GLIS3: variants seen among roughly 807,000 people sequenced by gnomAD.
GLIS3 encodes the protein GLIS family zinc finger 3, also known as zinc finger protein GLIS3.
In GLIS3, 53 loss-of-function variants were observed where a neutral mutation model predicts 78.6. That is an observed-to-expected ratio of 0.67 (90% CI 0.54 to 0.85). GLIS3 has a LOEUF of 0.85. GLIS3 is among the 40% of genes least tolerant of loss of function. GLIS3 has a pLI of 0.00. For synonymous variants in GLIS3, 684 were observed against 509.9 expected (o/e 1.34, Z -4.60); for missense variants, 1,703 against 1,231.1 (o/e 1.38, Z -5.74).
chr9:4,259,371 T>C (rs377762223), intron 2 of GLIS3, among the ~76,000 whole-genome samples: 36 of 152,138 alleles, frequency 2.4e-4, no homozygotes, highest in African/African-American at 8.0e-4. Flanking sequence ...ATATGGGGGA[T>C]TGAAAACAGA....
chr9:4,084,543 G>A (rs867726873), intron 4 of GLIS3, among the ~76,000 whole-genome samples: 7 of 152,116 alleles, frequency 4.6e-5, no homozygotes, highest in Admixed American at 6.5e-5. Flanking sequence ...AGTGGGTGAC[G>A]GAGACATGGA....
chr9:4,235,271 G>T (rs965842206), intron 2 of GLIS3, among the ~76,000 whole-genome samples: 1 of 149,116 alleles, frequency 6.7e-6, no homozygotes, highest in African/African-American at 2.5e-5. Flanking sequence ...TGCACTCCAG[G>T]CTGGGCGACA....
intron 4 of GLIS3, among the ~76,000 whole-genome samples, chr9:4,043,832 G>A (rs1293509049): frequency 2.6e-5 from 4 of 152,212 alleles, no homozygotes; most frequent in Non-Finnish European, 5.9e-5. Context: ...GACAAGAACA[G>A]GATGCAGCTT....
chr9:4,040,054 G>A (rs1213683905), intron 4 of GLIS3, among the ~76,000 whole-genome samples: 1 of 152,090 alleles, frequency 6.6e-6, no homozygotes, highest in African/African-American at 2.4e-5. Context: ...GAGACCTCCT[G>A]TTTAATGAAA....
intron 4 of GLIS3, among the ~76,000 whole-genome samples, chr9:3,937,671 G>C (rs989365275): frequency 2.2e-4 from 33 of 152,088 alleles, no homozygotes; most frequent in African/African-American, 7.7e-4. Flanking sequence ...GGATGAAAAA[G>C]ACATGTGTCC....
rs557699129 is a variant in GLIS3 at position 3,847,036 on chromosome 9, T to C, written c.2473+8973A>G. On this transcript the variant is annotated intron_variant, in intron 9 of 10. Transcript: ENST00000381971. ...GTGTCTCTACTAAAAATATAAAAAT[T>C]AGCCAGGTGCAGTGGCAAGCGCCTG... Among the ~76,000 whole-genome samples the C allele has an allele frequency of 1.1e-4, 17 of 152,060 alleles. 1 individual carries two copies. The highest frequency in any genetic ancestry group is 5.2e-4 in the Admixed American group (8 of 15,270).
intron 2 of GLIS3, among the ~76,000 whole-genome samples, chr9:4,179,175 G>C (rs1005797344): frequency 6.6e-6 from 1 of 152,154 alleles, no homozygotes; most frequent in Non-Finnish European, 1.5e-5. Flanking sequence ...TGTTCAGTAG[G>C]AAAGACTGAA....
intron 4 of GLIS3, among the ~76,000 whole-genome samples, chr9:4,085,476 G>A (rs1307422027): frequency 6.6e-6 from 1 of 151,902 alleles, no homozygotes. Flanking sequence ...ATTTTATCCT[G>A]TCCACGTGAT....
At chr9:4,333,835 T>C (rs929542339) in intron 2 of GLIS3, among the ~76,000 whole-genome samples, 1 of 148,804 alleles carries the variant, frequency 6.7e-6, no homozygotes, top group Non-Finnish European at 1.5e-5. Context: ...TATATTATCA[T>C]AAAGCTCCAA....
chr9:4,248,136 C>A (rs749438567), intron 2 of GLIS3, among the ~76,000 whole-genome samples: 1 of 152,146 alleles, frequency 6.6e-6, no homozygotes, highest in Non-Finnish European at 1.5e-5. Flanking sequence ...ATGTGCAGAA[C>A]GTCCAGGCTT....
chr9:4,326,185 G>T (rs1292929089), intron 2 of GLIS3, among the ~76,000 whole-genome samples: 3 of 152,158 alleles, frequency 2.0e-5, no homozygotes, highest in Non-Finnish European at 2.9e-5. Context: ...TGCACATCCT[G>T]CACGTGTACC....
intron 2 of GLIS3, among the ~76,000 whole-genome samples, chr9:4,193,785 T>G (rs939257490): frequency 1.3e-5 from 2 of 152,208 alleles, no homozygotes; most frequent in Admixed American, 1.3e-4. Context: ...ATACGTTGAC[T>G]AAAACTGCAG....
At chr9:4,023,005 C>T (rs919801129) in intron 4 of GLIS3, among the ~76,000 whole-genome samples, 15 of 152,062 alleles carry the variant, frequency 9.9e-5, no homozygotes, top group East Asian at 3.9e-4. Context: ...GGTGATTTCA[C>T]GGAGGTACAC....
chr9:4,473,531 A>G, the GLIS3 span, among the ~76,000 whole-genome samples: 2 of 152,076 alleles, frequency 1.3e-5, no homozygotes, highest in Non-Finnish European at 2.9e-5. Flanking sequence ...TTAGCAAACT[A>G]CTGCAGGAAC....
the GLIS3 span, among the ~76,000 whole-genome samples, chr9:4,375,438 T>C: frequency 0.021 from 3,268 of 152,314 alleles, 122 homozygotes; most frequent in African/African-American, 0.074. Context: ...GCGACTGTTT[T>C]ATAATATAAA....
intron 2 of GLIS3, among the ~76,000 whole-genome samples, chr9:4,345,805 CTGGGGAGTGAGAATTTGGGGAAG>C (rs1364111324): frequency 6.6e-6 from 1 of 152,116 alleles, no homozygotes; most frequent in African/African-American, 2.4e-5. Context: ...GTGATTGCGT[CTGGGGAGTGAGAATTTGGGGAAG>C]TGGGGAGTAA....
intron 6 of GLIS3, among the ~76,000 whole-genome samples, chr9:3,906,948 C>A (rs574303438): frequency 6.6e-6 from 1 of 152,160 alleles, no homozygotes; most frequent in South Asian, 2.1e-4. Flanking sequence ...CTCCCTCCTC[C>A]TAATGTAACT....
chr9:4,003,310 C>A (rs958624718), intron 4 of GLIS3, among the ~76,000 whole-genome samples: 1 of 152,046 alleles, frequency 6.6e-6, no homozygotes, highest in Non-Finnish European at 1.5e-5. Context: ...TAACAGAATT[C>A]TCCATAGCAC....
intron 4 of GLIS3, among the ~76,000 whole-genome samples, chr9:4,035,614 C>T (rs1824232159): frequency 6.6e-6 from 1 of 151,998 alleles, no homozygotes; most frequent in Admixed American, 6.6e-5. Flanking sequence ...TCATCTCCTC[C>T]ATGTAACTCT....
Sources: gnomAD v4.1 joint callset for allele counts (sites outside exome capture counted in the v4.1 genomes callset) on GRCh38, gnomAD v4.1.1 for gene constraint, MANE v1.5 for transcripts, NCBI Gene and HGNC (gene_info 2026-07-23, HGNC 2026-07-21) for gene names.